TLL2: variants seen among roughly 807,000 people sequenced by gnomAD.
TLL2 encodes tolloid-like protein 2.
Under a neutral mutation model 123.0 loss-of-function variants are expected in TLL2, and 106 were observed. That is an observed-to-expected ratio of 0.86 (90% CI 0.74 to 1.01). TLL2 has a LOEUF of 1.01. TLL2 is among the 50% of genes least tolerant of loss of function. The pLI is 0.00. For synonymous variants in TLL2, 494 were observed against 516.8 expected (o/e 0.96, Z 0.60); for missense variants, 1,332 against 1,336.7 (o/e 1.00, Z 0.06).
intron 7 of TLL2, 129 bp downstream of exon 7, chr10:96,420,827 T>A: frequency 1.3e-6 from 1 of 755,270 alleles, no homozygotes; most frequent in Non-Finnish European, 2.3e-6. Flanking sequence ...GCCACTGTAT[T>A]TCAAGGACAG....
rs554689423 is a variant in TLL2 at position 96,400,991 on chromosome 10, C to T, written c.1268-3689G>A. On this transcript the variant is annotated intron_variant, in intron 10 of 20. Coordinates refer to ENST00000357947, the MANE Select transcript of TLL2 (RefSeq NM_012465.4). The stretch of plus-strand genomic sequence containing the variant: ...AATCACTAGGTGAAAACCTGGGTGT[C>T]GAAAAATAGCCTCCTTCCAAGGAGA... 3.3e-5 allele frequency among the ~76,000 whole-genome samples: 5 copies of T among 152,168 alleles called. No individual in the cohort carries two copies. In the East Asian group the frequency reaches 9.7e-4, roughly 29 times the overall value.
At position 96,480,437 on chromosome 10, in the gene TLL2, G is replaced by C. The variant is rs180941866; in HGVS notation, c.198C>G (p.Ala66=). 1 of 1,614,144 alleles carries C rather than the reference G, an allele frequency of 6.2e-7. No homozygotes were observed. The highest frequency in any genetic ancestry group is 8.5e-7 in the Non-Finnish European group (1 of 1,180,004). ...ACAGCTTCAAGTCATCTTCATCTAA[G>C]GCAATGTCTCCCCAAAAGACAGCTG... ...CKAAVFWGDI[A]LDEDDLKLFH... Residue 66 remains alanine (A), a synonymous_variant, in exon 2 of 21, where the codon GCC becomes GCG. Coordinates refer to ENST00000357947, the MANE Select transcript of TLL2 (RefSeq NM_012465.4).
rs570742155 is a variant in TLL2, at chr10:96,513,122, T to C, written c.175+389A>G. Among the ~76,000 whole-genome samples the C allele has an allele frequency of 7.2e-5, 11 of 152,366 alleles. 1 individual carries two copies. Among genetic ancestry groups the C allele is most frequent in the African/African-American group, 2.6e-4 (11 of 41,594 alleles). ...TGAAATCGGAGCCAGGAACTCCATC[T>C]GAGCCTCGGAGCGCCGCGCCCAGTC... On this transcript the variant is annotated intron_variant, in intron 1 of 20. Transcript: ENST00000357947.
chr10:96,430,282 C>A lies in TLL2; in HGVS notation c.521-1534G>T, dbSNP rs145144597. ...GTTGTTTAAAAGTGTGTGGTACCTA[C>A]CCCACCTCTCTCTTGCTCCCTCCCA... On this transcript the variant is annotated intron_variant, in intron 4 of 20. Transcript: ENST00000357947. Among the ~76,000 whole-genome samples the A allele has an allele frequency of 6.4e-3, 978 of 152,276 alleles. 12 individuals are homozygous for A. The highest frequency in any genetic ancestry group is 0.022 in the African/African-American group (921 of 41,544).
At chr10:96,420,401 T>C (rs1046226771) in intron 7 of TLL2, among the ~76,000 whole-genome samples, 1 of 152,244 alleles carries the variant, frequency 6.6e-6, no homozygotes, top group African/African-American at 2.4e-5. Context: ...CCAGCCCTAC[T>C]TGAATACAGC....
intron 10 of TLL2, among the ~76,000 whole-genome samples, chr10:96,404,980 C>CTA: frequency 6.6e-6 from 1 of 152,334 alleles, no homozygotes; most frequent in Admixed American, 6.5e-5. Context: ...ATCCCTGTAG[C>CTA]TAGAGCTTTG....
rs377686891 is a variant in TLL2 at position 96,480,588 on chromosome 10, C to A, written c.176-129G>T. 9.3e-5 allele frequency: 66 copies of A among 711,754 alleles called. No homozygotes were observed. In the African/African-American group the frequency reaches 9.3e-4, roughly 10 times the overall value. The allele number at this position is 711,754 out of a possible 1,614,324, so 44.1% of individuals were successfully genotyped here. Reference sequence around the variant, plus strand: ...AAAGACAGCCCATCCAGTAAAATTTCTCCTTGAGCCTAAGAGATAGGGCTG... The same window carrying A: ...AAAGACAGCCCATCCAGTAAAATTTATCCTTGAGCCTAAGAGATAGGGCTG... On this transcript the variant is annotated intron_variant, in intron 1 of 20. Transcript: ENST00000357947.
chr10:96,370,957 A>G (rs1846077091), intron 19 of TLL2, among the ~76,000 whole-genome samples: 1 of 152,004 alleles, frequency 6.6e-6, no homozygotes, highest in Non-Finnish European at 1.5e-5. Context: ...TTATACAAGG[A>G]CAGTAACTCT....
Position 96,368,206 on chromosome 10 carries a change from T to C in TLL2, c.2930A>G (p.Tyr977Cys), listed in dbSNP as rs776577930. 7 of 1,613,946 alleles carry C rather than the reference T, an allele frequency of 4.3e-6. No homozygotes were observed. Among genetic ancestry groups the C allele is most frequent in the South Asian group, 1.1e-5 (1 of 91,056 alleles). The change falls in exon 21 of 21, where the codon TAC becomes TGC. Residue 977 changes from tyrosine to cysteine, a missense_variant. Physicochemically the swap from Tyr to Cys is radical, Grantham distance 194. Transcript: ENST00000357947. Reference sequence around the variant, plus strand: ...AATCATCAGGGAATCACCTGCAGAGTAGATTTCTTCTAATGGCTGAGGAAA... The same window carrying C: ...AATCATCAGGGAATCACCTGCAGAGCAGATTTCTTCTAATGGCTGAGGAAA... Reference protein sequence around the residue: ...FCGSGPLEEIYSAGDSLMIRF... With the variant: ...FCGSGPLEEICSAGDSLMIRF...
At chr10:96,415,749 C>CTG (rs1214682827) in intron 7 of TLL2, among the ~76,000 whole-genome samples, 3 of 103,130 alleles carry the variant, frequency 2.9e-5, no homozygotes, top group South Asian at 3.9e-4. Context: ...GTCTCTCTCT[C>CTG]TCTCTCTCTC....
At chr10:96,398,046 G>A (rs975244166) in intron 10 of TLL2, among the ~76,000 whole-genome samples, 8 of 152,158 alleles carry the variant, frequency 5.3e-5, no homozygotes, top group Admixed American at 2.6e-4. Context: ...GTGCCCACCC[G>A]CCAAGGTCAG....
In TLL2 at chr10:96,373,681, C is replaced by T. The variant is rs769603425; in HGVS notation, c.2577G>A (p.Thr859=). 16 of 1,614,118 alleles carry T rather than the reference C, an allele frequency of 9.9e-6. No individual in the cohort carries two copies. Among genetic ancestry groups the T allele is most frequent in the African/African-American group, 1.3e-5 (1 of 74,942 alleles). ...RFCGSKKPDP[T]VASGSSMFLR... The stretch of plus-strand genomic sequence containing the variant: ...GAAACATACTGCTGCCGGAAGCCAC[C>T]GTGGGGTCTGGTTTCTTGCTGCCGC... Residue 859 remains threonine (T), a synonymous_variant, in exon 19 of 21, where the codon ACG becomes ACA. Transcript: ENST00000357947.
At chr10:96,401,607 T>TCAC (rs1846396731) in intron 10 of TLL2, among the ~76,000 whole-genome samples, 1 of 146,716 alleles carries the variant, frequency 6.8e-6, no homozygotes, top group African/African-American at 2.5e-5. Flanking sequence ...ACAAAAACCA[T>TCAC]CACCACCACC....
At chr10:96,371,133 C>A (rs1846079359) in intron 19 of TLL2, among the ~76,000 whole-genome samples, 1 of 152,012 alleles carries the variant, frequency 6.6e-6, no homozygotes, top group African/African-American at 2.4e-5. Flanking sequence ...ACCAGCCTGG[C>A]CAACATGGTG....
At chr10:96,494,102 C>T (rs1847445006) in intron 1 of TLL2, among the ~76,000 whole-genome samples, 2 of 152,222 alleles carry the variant, frequency 1.3e-5, no homozygotes, top group Admixed American at 1.3e-4. Flanking sequence ...ACCAGCCTGG[C>T]CAGCCGGGGA....
intron 16 of TLL2, among the ~76,000 whole-genome samples, chr10:96,382,436 GAC>G (rs1327753748): frequency 7.1e-5 from 9 of 126,836 alleles, no homozygotes; most frequent in Admixed American, 6.3e-4. Context: ...GGCCCCTGGT[GAC>G]AAGAGCCCTA....
intron 2 of TLL2, among the ~76,000 whole-genome samples, chr10:96,454,464 G>A (rs1289359368): frequency 2.0e-5 from 3 of 152,170 alleles, no homozygotes; most frequent in South Asian, 2.1e-4. Context: ...GCATGCCTGC[G>A]TCTGCATTCT....
intron 1 of TLL2, among the ~76,000 whole-genome samples, chr10:96,506,271 A>AAAAAAAAAAG (rs1564921537): frequency 6.7e-6 from 1 of 150,126 alleles, no homozygotes; most frequent in Admixed American, 6.6e-5. Context: ...AAAAAGAAAA[A>AAAAAAAAAAG]AAAAAAAGAA....
At chr10:96,427,705 A>C (rs1846691483) in intron 5 of TLL2, among the ~76,000 whole-genome samples, 1 of 152,138 alleles carries the variant, frequency 6.6e-6, no homozygotes, top group Non-Finnish European at 1.5e-5. Context: ...CTTTCCTTTT[A>C]CTTTTAAACC....
Sources: gnomAD v4.1 joint callset for allele counts (sites outside exome capture counted in the v4.1 genomes callset) on GRCh38, gnomAD v4.1.1 for gene constraint, MANE v1.5 for transcripts, NCBI Gene and HGNC (gene_info 2026-07-23, HGNC 2026-07-21) for gene names.